SLC44A3: variants seen among roughly 807,000 people sequenced by gnomAD.
The protein encoded by SLC44A3 is choline transporter-like protein 3.
Under a neutral mutation model 75.4 loss-of-function variants are expected in SLC44A3, and 74 were observed. The observed-to-expected ratio is 0.98, with a 90% CI of 0.81 to 1.19. The LOEUF (loss-of-function observed/expected upper bound fraction) is 1.19. Ranked by LOEUF, SLC44A3 falls within the 50% of genes most tolerant of loss-of-function variation. The pLI, the probability that SLC44A3 is intolerant of heterozygous loss-of-function variation, is 0.00. For synonymous variants in SLC44A3, 310 were observed against 296.9 expected (o/e 1.04, Z -0.45); for missense variants, 700 against 778.6 (o/e 0.90, Z 1.20).
At chr1:94,888,625 T>C (rs1294078994) in intron 12 of SLC44A3, 2 of 982,928 alleles carry the variant, frequency 2.0e-6, no homozygotes, top group Middle Eastern at 5.2e-4. Context: ...AAACCAAAAT[T>C]TCCTTGTGGA....
intron 2 of SLC44A3, among the ~76,000 whole-genome samples, chr1:94,823,290 T>C (rs1482768794): frequency 1.3e-5 from 2 of 152,192 alleles, no homozygotes; most frequent in Non-Finnish European, 1.5e-5. Flanking sequence ...CAGCTTGCCA[T>C]GCCAGCCACA....
intron 8 of SLC44A3, among the ~76,000 whole-genome samples, chr1:94,844,568 T>G (rs951810335): frequency 2.0e-5 from 3 of 152,226 alleles, no homozygotes; most frequent in Non-Finnish European, 2.9e-5. Flanking sequence ...AGGGATCTAA[T>G]GCTATGCTGA....
intron 12 of SLC44A3, among the ~76,000 whole-genome samples, chr1:94,871,662 G>A (rs542826017): frequency 1.3e-5 from 2 of 152,302 alleles, no homozygotes; most frequent in Admixed American, 1.3e-4. Context: ...AAACCCACTG[G>A]TGAGCCCCAG....
At chr1:94,874,168 C>G (rs757131573) in intron 12 of SLC44A3, among the ~76,000 whole-genome samples, 1 of 152,220 alleles carries the variant, frequency 6.6e-6, no homozygotes, top group African/African-American at 2.4e-5. Context: ...ACTACCCTGG[C>G]TTTAGATAGA....
At chr1:94,823,120 A>C (rs990145893) in intron 2 of SLC44A3, among the ~76,000 whole-genome samples, 16 of 152,210 alleles carry the variant, frequency 1.1e-4, no homozygotes, top group Non-Finnish European at 1.8e-4. Flanking sequence ...GGCTTTCCAA[A>C]GGAAAGAATG....
In SLC44A3 at chr1:94,845,424, G is replaced by A; in HGVS notation, c.1032G>A (p.Trp344Ter). ...LWTFAILIFFWVLWVAVLLSL... is the reference protein window; with the variant it reads ...LWTFAILIFF ...CATTTGCCATCCTCATTTTCTTCTG[G>A]GTCCTCTGGGTGGCTGTGCTGCTGA... The change falls in exon 9 of 15, where the codon TGG (tryptophan) becomes TGA (stop). Residue 344 changes from tryptophan (W) to a stop codon, truncating the protein, a stop_gained. Transcript: ENST00000271227. LOFTEE classifies it high-confidence loss of function. 1 of 1,613,524 alleles carries A rather than the reference G, an allele frequency of 6.2e-7. No individual in the cohort carries two copies. The highest frequency in any genetic ancestry group is 8.5e-7 in the Non-Finnish European group (1 of 1,179,990).
chr1:94,841,904 G>T, intron 7 of SLC44A3, 96 bp from the exon 8 acceptor site: 1 of 1,464,020 alleles, frequency 6.8e-7, no homozygotes, highest in Non-Finnish European at 9.1e-7. Flanking sequence ...CACGCGGCCG[G>T]TGGGCAGTGG....
At chr1:94,886,085 C>A (rs1000128873) in intron 12 of SLC44A3, among the ~76,000 whole-genome samples, 2 of 152,312 alleles carry the variant, frequency 1.3e-5, no homozygotes, top group Admixed American at 1.3e-4. Flanking sequence ...TTGGGCCTAG[C>A]CCCTGGCTTA....
chr1:94,861,433 A>G (rs971780628), intron 10 of SLC44A3, among the ~76,000 whole-genome samples: 1 of 152,200 alleles, frequency 6.6e-6, no homozygotes, highest in Non-Finnish European at 1.5e-5. Context: ...AGAATTATGA[A>G]TGGGGGAAGA....
At chr1:94,891,871 C>T (rs1452135874) in intron 13 of SLC44A3, among the ~76,000 whole-genome samples, 2 of 151,562 alleles carry the variant, frequency 1.3e-5, no homozygotes, top group African/African-American at 2.4e-5. Context: ...TGCAGTGAGC[C>T]GAGATCACAC....
At chr1:94,853,689 T>A (rs1229136903) in intron 9 of SLC44A3, among the ~76,000 whole-genome samples, 1 of 152,130 alleles carries the variant, frequency 6.6e-6, no homozygotes, top group Non-Finnish European at 1.5e-5. Flanking sequence ...TTGCATCAGT[T>A]TTCTCAGTGA....
chr1:94,829,215 G>A (rs1363999679), intron 5 of SLC44A3, among the ~76,000 whole-genome samples: 1 of 152,100 alleles, frequency 6.6e-6, no homozygotes, highest in Non-Finnish European at 1.5e-5. Flanking sequence ...CCCAGAAGGT[G>A]GAGGTTGCAG....
chr1:94,862,553 G>A (rs781050599), intron 10 of SLC44A3, among the ~76,000 whole-genome samples: 1 of 152,190 alleles, frequency 6.6e-6, no homozygotes, highest in Admixed American at 6.5e-5. Context: ...TGGGCAACTG[G>A]CTTCGTTGTT....
chr1:94,859,487 T>C (rs1056834318), intron 10 of SLC44A3, among the ~76,000 whole-genome samples: 4 of 152,202 alleles, frequency 2.6e-5, no homozygotes, highest in African/African-American at 9.7e-5. Context: ...GTGTGTTGGC[T>C]GCATGAGGAG....
chr1:94,828,472 G>A (rs1395631513), intron 4 of SLC44A3, 21 bp from the exon 5 acceptor site: 5 of 1,602,990 alleles, frequency 3.1e-6, no homozygotes, highest in East Asian at 2.2e-5. Context: ...AAGGTATAAT[G>A]TCTGTGTGTT....
intron 5 of SLC44A3, among the ~76,000 whole-genome samples, chr1:94,837,095 C>T (rs1440587264): frequency 6.6e-6 from 1 of 152,068 alleles, no homozygotes; most frequent in African/African-American, 2.4e-5. Context: ...AAATCCCATA[C>T]ATGACCCCAC....
intron 2 of SLC44A3, among the ~76,000 whole-genome samples, chr1:94,821,496 C>A (rs12027226): frequency 0.34 from 50,947 of 151,654 alleles, 8,782 homozygotes; most frequent in East Asian, 0.58. Context: ...CACACGCGCG[C>A]GAGAGATATG....
intron 14 of SLC44A3, among the ~76,000 whole-genome samples, chr1:94,892,824 C>T (rs572078293): frequency 6.6e-6 from 1 of 152,262 alleles, no homozygotes; most frequent in African/African-American, 2.4e-5. Flanking sequence ...TAGTTCAGCT[C>T]CCTTTGGTGC....
chr1:94,822,747 C>A (rs1396053780), intron 2 of SLC44A3, among the ~76,000 whole-genome samples: 1 of 152,218 alleles, frequency 6.6e-6, no homozygotes, highest in Non-Finnish European at 1.5e-5. Flanking sequence ...CTGCCTTTTC[C>A]TATCATCCCT....
Sources: gnomAD v4.1 joint callset for allele counts (sites outside exome capture counted in the v4.1 genomes callset) on GRCh38, gnomAD v4.1.1 for gene constraint, MANE v1.5 for transcripts, NCBI Gene and HGNC (gene_info 2026-07-23, HGNC 2026-07-21) for gene names.